The following PRMT3 variants were observed in gnomAD, a reference collection of about 807,000 sequenced individuals.
PRMT3 encodes the protein protein arginine methyltransferase 3.
In PRMT3, 62 loss-of-function variants were observed where a neutral mutation model predicts 71.9. The ratio of observed to expected loss-of-function variants is 0.86; its 90% CI spans 0.70 to 1.07. The LOEUF is 1.07. Ranked by LOEUF, PRMT3 falls within the 50% of genes least tolerant of loss-of-function variation. The probability of loss-of-function intolerance (pLI) is 0.00; values close to 1 mark genes in which losing one functional copy is unlikely to be tolerated. For synonymous variants in PRMT3, 213 were observed against 220.4 expected (o/e 0.97, Z 0.30); for missense variants, 663 against 643.0 (o/e 1.03, Z -0.34).
intron 12 of PRMT3, among the ~76,000 whole-genome samples, chr11:20,462,559 T>C (rs372109306): frequency 5.3e-5 from 8 of 152,206 alleles, no homozygotes; most frequent in East Asian, 3.9e-4. Context: ...CCACACAGTT[T>C]AACTTCTCTC....
At chr11:20,425,020 C>G (rs948354300) in intron 9 of PRMT3, among the ~76,000 whole-genome samples, 3 of 151,460 alleles carry the variant, frequency 2.0e-5, no homozygotes, top group African/African-American at 7.3e-5. Context: ...GAGAGGATCA[C>G]TTGAGCTTGA....
At chr11:20,493,870 T>A in intron 13 of PRMT3, 49 bp from the exon 14 acceptor site, 1 of 1,259,910 alleles carries the variant, frequency 7.9e-7, no homozygotes, top group Non-Finnish European at 1.1e-6. Flanking sequence ...AGTTATTATA[T>A]TATGTAATTC....
intron 13 of PRMT3, among the ~76,000 whole-genome samples, chr11:20,469,325 T>A (rs997779635): frequency 1.3e-5 from 2 of 152,234 alleles, no homozygotes; most frequent in African/African-American, 4.8e-5. Flanking sequence ...ATGTCATTTG[T>A]GTAATATTCG....
chr11:20,469,103 T>C (rs186717741), intron 13 of PRMT3, among the ~76,000 whole-genome samples: 1 of 152,346 alleles, frequency 6.6e-6, no homozygotes, highest in East Asian at 1.9e-4. Context: ...TTTGACAGTT[T>C]AGATAAAATT....
chr11:20,389,494 CAAAT>C (rs1053266078), intron 2 of PRMT3, among the ~76,000 whole-genome samples: 2 of 152,098 alleles, frequency 1.3e-5, no homozygotes, highest in African/African-American at 2.4e-5. Flanking sequence ...TATTATTTGA[CAAAT>C]AAATTCACTT....
intron 13 of PRMT3, among the ~76,000 whole-genome samples, chr11:20,482,983 T>G (rs182745638): frequency 6.6e-6 from 1 of 152,224 alleles, no homozygotes; most frequent in African/African-American, 2.4e-5. Flanking sequence ...GGTGGTGAGT[T>G]GGTAGCTATC....
chr11:20,491,836 A>G (rs932038701), intron 13 of PRMT3, among the ~76,000 whole-genome samples: 1 of 152,152 alleles, frequency 6.6e-6, no homozygotes, highest in Non-Finnish European at 1.5e-5. Flanking sequence ...TGCATTTCCT[A>G]CATACAGAAT....
chr11:20,423,677 T>C (rs961470104), intron 9 of PRMT3, among the ~76,000 whole-genome samples: 1 of 151,784 alleles, frequency 6.6e-6, no homozygotes. Flanking sequence ...CCTTTGTTGA[T>C]TTTTTTTCTC....
In PRMT3 at chr11:20,477,812, C is replaced by A. The variant is rs563912945; in HGVS notation, c.1347+13266C>A. On this transcript the variant is annotated intron_variant, in intron 13 of 15. Transcript: ENST00000331079. The stretch of plus-strand genomic sequence containing the variant: ...TTTGGCTTAGGAGAAACCCCCCCCC[C>A]CCACTTCCTGTTTTGCAGCACAACC... 3.5e-5 allele frequency among the ~76,000 whole-genome samples: 5 copies of A among 144,512 alleles called. No homozygotes were observed. The South Asian group carries it at 1.2e-3, about 36-fold the overall frequency. 94.8% of individuals were successfully genotyped at this position (144,512 alleles called of 152,430 possible).
intron 13 of PRMT3, among the ~76,000 whole-genome samples, chr11:20,493,247 G>GA (rs1338255256): frequency 6.8e-4 from 99 of 146,470 alleles, no homozygotes; most frequent in African/African-American, 1.2e-3. Context: ...ATTTTTTCAG[G>GA]AAAAAAAAAA....
At chr11:20,439,537 A>G (rs555616950) in intron 10 of PRMT3, among the ~76,000 whole-genome samples, 10 of 152,328 alleles carry the variant, frequency 6.6e-5, no homozygotes, top group African/African-American at 2.4e-4. Context: ...AGTGGCTTCT[A>G]GTCAGCCCTT....
intron 10 of PRMT3, among the ~76,000 whole-genome samples, chr11:20,430,019 CTTTATCCTCCA>C (rs1849622571): frequency 6.6e-6 from 1 of 152,204 alleles, no homozygotes; most frequent in South Asian, 2.1e-4. Context: ...GCTTTCTAAA[CTTTATCCTCCA>C]TGTTTCAGGC....
chr11:20,389,653 T>A (rs1848669197), intron 2 of PRMT3, 91 bp from the exon 3 acceptor site: 3 of 662,894 alleles, frequency 4.5e-6, no homozygotes, highest in East Asian at 6.3e-5. Flanking sequence ...CCAGCAGAGT[T>A]AAAAAAAAAA....
chr11:20,477,023 TC>T (rs1850806611), intron 13 of PRMT3, among the ~76,000 whole-genome samples: 1 of 152,152 alleles, frequency 6.6e-6, no homozygotes, highest in African/African-American at 2.4e-5. Context: ...CCTTTTGATT[TC>T]CCGTGTCTTA....
At chr11:20,389,595 C>A in intron 2 of PRMT3, 149 bp from the exon 3 acceptor site, 1 of 508,732 alleles carries the variant, frequency 2.0e-6, no homozygotes, top group South Asian at 3.5e-5. Context: ...CCCTTCCTTT[C>A]AGATACAAGT....
chr11:20,504,707 T>TGAGTGTGAGAGAGAGA (rs1555026060), intron 15 of PRMT3, among the ~76,000 whole-genome samples: 1 of 133,590 alleles, frequency 7.5e-6, no homozygotes, highest in African/African-American at 3.0e-5. Context: ...TGTGTGTGTG[T>TGAGTGTGAGAGAGAGA]GAGAGAGAGA....
In PRMT3 at chr11:20,391,079, C is replaced by T. The variant is rs572157632; in HGVS notation, c.248-1132C>T. ...AAAAAAAAATAATAGGTTTTTTGGTCCCTATATTTGTTGACAACTAAGAAG... is the reference window on the plus strand; with the variant it reads ...AAAAAAAAATAATAGGTTTTTTGGTTCCTATATTTGTTGACAACTAAGAAG... On this transcript the variant is annotated intron_variant, in intron 3 of 15. Coordinates refer to ENST00000331079, the MANE Select transcript of PRMT3 (RefSeq NM_005788.4). Among the ~76,000 whole-genome samples, 162 of 152,020 alleles carry T rather than the reference C, an allele frequency of 1.1e-3. 2 individuals carry two copies. The South Asian group carries it at 0.033, about 31-fold the overall frequency.
chr11:20,462,876 GAA>G (rs768193840), intron 12 of PRMT3, among the ~76,000 whole-genome samples: 1 of 139,528 alleles, frequency 7.2e-6, no homozygotes, highest in African/African-American at 2.6e-5. Context: ...TGTCTCAAGA[GAA>G]AAAAAAAAAA....
At chr11:20,445,362 C>G (rs1219203210) in intron 10 of PRMT3, among the ~76,000 whole-genome samples, 1 of 152,058 alleles carries the variant, frequency 6.6e-6, no homozygotes, top group Non-Finnish European at 1.5e-5. Context: ...CCTTCCCTTC[C>G]TATACCCCTA....
Sources: gnomAD v4.1 joint callset for allele counts (sites outside exome capture counted in the v4.1 genomes callset) on GRCh38, gnomAD v4.1.1 for gene constraint, MANE v1.5 for transcripts, NCBI Gene and HGNC (gene_info 2026-07-23, HGNC 2026-07-21) for gene names.